The following BAIAP2 variants were observed in gnomAD, a reference collection of about 807,000 sequenced individuals.
The protein encoded by BAIAP2 is BAR/IMD domain-containing adapter protein 2.
A neutral mutation model predicts 63.0 loss-of-function variants in BAIAP2; 18 were observed. The observed-to-expected ratio is 0.29, with a 90% CI of 0.20 to 0.42. BAIAP2 has a LOEUF of 0.42. BAIAP2 is among the 10% of genes least tolerant of loss of function. The probability of loss-of-function intolerance (pLI) is 1.00; values close to 1 mark genes in which losing one functional copy is unlikely to be tolerated. For missense variants in BAIAP2, 610 were observed against 734.3 expected (o/e 0.83, Z 1.96); for synonymous variants, 386 against 307.6 (o/e 1.25, Z -2.67).
chr17:81,077,265 G>T (rs528702616), intron 3 of BAIAP2, among the ~76,000 whole-genome samples: 1 of 152,092 alleles, frequency 6.6e-6, no homozygotes, highest in African/African-American at 2.4e-5. Flanking sequence ...TCCCCACACC[G>T]GCCACAGTCC....
rs773315608 is a variant in BAIAP2, at chr17:81,053,727, C to T, written c.114C>T (p.Tyr38=). ...ACTTCATCGCCATGGGGAAGAATTACGAGAAGGCACTGGCAGGTGGAACTG... is the reference window on the plus strand; with the variant it reads ...ACTTCATCGCCATGGGGAAGAATTATGAGAAGGCACTGGCAGGTGGAACTG... ...LRNFIAMGKN[Y]EKALAGVTYA... Residue 38 remains tyrosine, a synonymous_variant, in exon 2 of 14, where the codon TAC becomes TAT. Coordinates refer to ENST00000428708, the MANE Select transcript of BAIAP2 (RefSeq NM_001144888.2). 4.6e-5 allele frequency: 74 copies of T among 1,614,060 alleles called. No individual in the cohort carries two copies. The East Asian group carries it at 5.3e-4, about 12-fold the overall frequency.
intron 2 of BAIAP2, among the ~76,000 whole-genome samples, chr17:81,055,968 A>G (rs1392380571): frequency 2.0e-5 from 3 of 152,130 alleles, no homozygotes; most frequent in Non-Finnish European, 2.9e-5. Flanking sequence ...TCGGCAGCAG[A>G]GCCTGTGGCA....
chr17:81,075,805 GC>G (rs2053568482), intron 3 of BAIAP2, among the ~76,000 whole-genome samples: 1 of 152,208 alleles, frequency 6.6e-6, no homozygotes. Flanking sequence ...GCACATTGGG[GC>G]CCCCAGTACT....
At chr17:81,036,884 C>A (rs1276819424) in intron 1 of BAIAP2, 1 of 1,535,924 alleles carries the variant, frequency 6.5e-7, no homozygotes, top group Admixed American at 2.0e-5. Context: ...GAAGTACCAG[C>A]GGAACCTTTT....
intron 3 of BAIAP2, among the ~76,000 whole-genome samples, chr17:81,071,269 G>T (rs1391394316): frequency 1.3e-5 from 2 of 152,162 alleles, no homozygotes; most frequent in Non-Finnish European, 2.9e-5. Context: ...TGGGCTTTGG[G>T]TCAGCACTGG....
intron 3 of BAIAP2, among the ~76,000 whole-genome samples, chr17:81,078,330 G>C (rs1410352104): frequency 4.7e-5 from 7 of 148,038 alleles, no homozygotes; most frequent in African/African-American, 1.8e-4. Flanking sequence ...TATTGGGTGG[G>C]AGCCGGGCGC....
intron 7 of BAIAP2, among the ~76,000 whole-genome samples, chr17:81,101,337 G>T (rs1055011957): frequency 6.6e-6 from 1 of 152,118 alleles, no homozygotes; most frequent in Non-Finnish European, 1.5e-5. Context: ...CTCCTAGGAG[G>T]CTGACTTAGC....
chr17:81,102,167 C>T (rs1052237777), intron 7 of BAIAP2, among the ~76,000 whole-genome samples: 12 of 152,096 alleles, frequency 7.9e-5, no homozygotes, highest in Non-Finnish European at 1.5e-4. Context: ...AGAGACGAGC[C>T]TCTGGGCTGG....
At chr17:81,060,780 G>A (rs1031008849) in intron 3 of BAIAP2, among the ~76,000 whole-genome samples, 3 of 152,126 alleles carry the variant, frequency 2.0e-5, no homozygotes, top group Non-Finnish European at 4.4e-5. Context: ...GGCTCCCTCG[G>A]CTGCGTGTCT....
At chr17:81,081,441 A>G (rs1023131444) in intron 3 of BAIAP2, among the ~76,000 whole-genome samples, 1 of 152,052 alleles carries the variant, frequency 6.6e-6, no homozygotes, top group Non-Finnish European at 1.5e-5. Context: ...CCCAGGGTGG[A>G]TGGTGGAGGG....
Position 81,115,955 on chromosome 17 carries a change from T to G in BAIAP2, c.*116T>G. 1 of 1,527,246 alleles carries G rather than the reference T, an allele frequency of 6.5e-7. No individual in the cohort carries two copies. Among genetic ancestry groups the G allele is most frequent in the Non-Finnish European group, 8.8e-7 (1 of 1,137,464 alleles). The allele number at this position is 1,527,246 out of a possible 1,614,324, so 94.6% of individuals were successfully genotyped here. A position where few individuals can be genotyped will look rare whatever the true frequency, so the allele number is the denominator to read the frequency against. On this transcript the variant is annotated 3_prime_UTR_variant, in exon 14 of 14. Coordinates refer to ENST00000428708, the MANE Select transcript of BAIAP2 (RefSeq NM_001144888.2). ...GAACATCCAGGCCCCGGCTGCCTGG[T>G]CTTGCCCCACTTGAGTCTGGCCTGG...
intron 3 of BAIAP2, among the ~76,000 whole-genome samples, chr17:81,059,076 C>G (rs1356747684): frequency 3.9e-5 from 6 of 152,202 alleles, no homozygotes. Context: ...CGCCGGGAGG[C>G]AGACCTGCCG....
At chr17:81,051,797 C>T (rs1239494945) in intron 1 of BAIAP2, among the ~76,000 whole-genome samples, 1 of 152,192 alleles carries the variant, frequency 6.6e-6, no homozygotes, top group East Asian at 1.9e-4. Flanking sequence ...TTAAGCAATC[C>T]TCCCACCTCA....
chr17:81,091,580 C>T (rs2056779553), intron 6 of BAIAP2, among the ~76,000 whole-genome samples: 1 of 152,200 alleles, frequency 6.6e-6, no homozygotes, highest in Non-Finnish European at 1.5e-5. Flanking sequence ...CAGTTGTCCC[C>T]AATCCTGAAG....
Position 81,046,651 on chromosome 17 carries a change from G to T in BAIAP2, c.55-7017G>T, listed in dbSNP as rs563747673. On this transcript the variant is annotated intron_variant, in intron 1 of 13. Transcript: ENST00000428708. The surrounding 1 kb of genome is among the most constrained non-coding windows in gnomAD (Gnocchi z 4.5). ...CCTGGCAGCCAAGGGAACTGAGCCT[G>T]TGGCCCCCGGACAGCAAGCTCTGAG... 7.2e-5 allele frequency among the ~76,000 whole-genome samples: 11 copies of T among 152,160 alleles called. No homozygotes were observed. The highest frequency in any genetic ancestry group is 1.5e-4 in the Non-Finnish European group (10 of 68,024).
chr17:81,055,574 G>GTTTTTTGTTTTTTTTTTGGTTTT (rs370775327), intron 2 of BAIAP2, among the ~76,000 whole-genome samples: 5 of 123,406 alleles, frequency 4.1e-5, no homozygotes, highest in African/African-American at 1.4e-4. Flanking sequence ...AGGGTGTTTT[G>GTTTTTTGTTTTTTTTTTGGTTTT]TTTTTTTTTG....
At chr17:81,103,031 C>T (rs1282252295) in intron 7 of BAIAP2, among the ~76,000 whole-genome samples, 2 of 152,236 alleles carry the variant, frequency 1.3e-5, no homozygotes, top group Non-Finnish European at 1.5e-5. Flanking sequence ...CTCTTGGGCC[C>T]AAGGGCAGTG....
chr17:81,106,550 C>T (rs540074263), intron 11 of BAIAP2, among the ~76,000 whole-genome samples, 195 bp from the exon 12 acceptor site: 154 of 152,334 alleles, frequency 1.0e-3, no homozygotes, highest in Non-Finnish European at 1.9e-3. Context: ...CCCGGCTTAG[C>T]TTCATGGCCA....
intron 6 of BAIAP2, among the ~76,000 whole-genome samples, chr17:81,098,531 TCAC>T (rs1336949700): frequency 6.6e-5 from 10 of 152,178 alleles, no homozygotes; most frequent in Non-Finnish European, 1.3e-4. Flanking sequence ...GGTTGTGCGA[TCAC>T]CACCACCATC....
Sources: gnomAD v4.1 joint callset for allele counts (sites outside exome capture counted in the v4.1 genomes callset) on GRCh38, gnomAD v4.1.1 for gene constraint, Gnocchi (gnomAD v3.1) non-coding constraint, MANE v1.5 for transcripts, NCBI Gene and HGNC (gene_info 2026-07-23, HGNC 2026-07-21) for gene names.